The following GCC2 variants were observed in gnomAD, a reference collection of about 807,000 sequenced individuals.
GCC2 encodes GRIP and coiled-coil domain-containing protein 2.
In GCC2, 120 loss-of-function variants were observed where a neutral mutation model predicts 210.6. The ratio of observed to expected loss-of-function variants is 0.57; its 90% CI spans 0.49 to 0.66. GCC2 has a LOEUF of 0.66. Ranked by LOEUF, GCC2 falls within the 30% of genes least tolerant of loss-of-function variation. The probability of loss-of-function intolerance (pLI) is 0.00; values close to 1 mark genes in which losing one functional copy is unlikely to be tolerated. For missense variants in GCC2, 1,868 were observed against 1,871.9 expected (o/e 1.00, Z 0.04); for synonymous variants, 703 against 652.7 (o/e 1.08, Z -1.17).
intron 6 of GCC2, among the ~76,000 whole-genome samples, chr2:108,472,606 A>G (rs1229940549): frequency 1.4e-5 from 2 of 148,014 alleles, no homozygotes; most frequent in Non-Finnish European, 3.0e-5. Flanking sequence ...CTTGGTTACT[A>G]CTTTTTTTTT....
intron 15 of GCC2, 197 bp from the exon 16 acceptor site, chr2:108,486,314 T>A: frequency 1.7e-6 from 1 of 588,426 alleles, no homozygotes; most frequent in Non-Finnish European, 3.1e-6. Context: ...TGAATTGATG[T>A]TGGTTTAAGA....
At chr2:108,505,533 C>T (rs1683139241) in intron 22 of GCC2, among the ~76,000 whole-genome samples, 1 of 152,166 alleles carries the variant, frequency 6.6e-6, no homozygotes, top group Non-Finnish European at 1.5e-5. Context: ...ATTGTGGCTT[C>T]TATCTTGCTA....
Position 108,469,906 on chromosome 2 carries a change from G to A in GCC2, c.577G>A (p.Gly193Ser). The A allele has an allele frequency of 6.2e-7, 1 of 1,613,600 alleles. No individual in the cohort carries two copies. The highest frequency in any genetic ancestry group is 8.5e-7 in the Non-Finnish European group (1 of 1,179,772). Residue 193 changes from glycine to serine, a missense_variant, in exon 6 of 23, where the codon GGC becomes AGC. Gly to Ser is a moderately conservative substitution (Grantham distance 56). Coordinates refer to ENST00000309863, the MANE Select transcript of GCC2 (RefSeq NM_181453.4). ...LQEEIEKIRP[G>S]FEEQILYLQK... ...AGAAGAGATTGAGAAAATTAGGCCA[G>A]GCTTTGAGGAGCAAATTTTATATCT...
intron 22 of GCC2, among the ~76,000 whole-genome samples, chr2:108,500,987 A>T (rs1248232621): frequency 6.6e-6 from 1 of 151,878 alleles, no homozygotes; most frequent in African/African-American, 2.4e-5. Context: ...CTTAAGCTTT[A>T]TTTTGTTGTC....
At chr2:108,472,735 T>C (rs1168104420) in intron 6 of GCC2, 92 bp from the exon 7 acceptor site, 1 of 745,736 alleles carries the variant, frequency 1.3e-6, no homozygotes, top group Non-Finnish European at 2.3e-6. Flanking sequence ...GATTTTCTTA[T>C]GCTTAACATG....
At chr2:108,488,885 C>G (rs1482836769) in intron 17 of GCC2, among the ~76,000 whole-genome samples, 1 of 152,110 alleles carries the variant, frequency 6.6e-6, no homozygotes, top group African/African-American at 2.4e-5. Context: ...ATGGTATTTT[C>G]TTTCCAGTAG....
rs1413577134 is a variant in GCC2, at chr2:108,487,586, G to C, written c.3931-113G>C. On this transcript the variant is annotated intron_variant, in intron 16 of 22. Coordinates refer to ENST00000309863, the MANE Select transcript of GCC2 (RefSeq NM_181453.4). ...AATCAAGAAACCAAAAAGAATGTCAGCCATTTTTCTCATTTTCAAAAACAG... is the reference window on the plus strand; with the variant it reads ...AATCAAGAAACCAAAAAGAATGTCACCCATTTTTCTCATTTTCAAAAACAG... 5.2e-6 allele frequency: 5 copies of C among 955,908 alleles called. No individual in the cohort carries two copies. The East Asian group carries it at 1.3e-4, about 25-fold the overall frequency. The allele number at this position is 955,908 out of a possible 1,614,324, so 59.2% of individuals were successfully genotyped here.
At chr2:108,479,703 G>A (rs998512413) in intron 9 of GCC2, among the ~76,000 whole-genome samples, 2 of 151,902 alleles carry the variant, frequency 1.3e-5, no homozygotes, top group African/African-American at 2.4e-5. Flanking sequence ...CCCAGCAGAG[G>A]CCGGGCTCAG....
At position 108,475,767 on chromosome 2, in the gene GCC2, G is replaced by C. The variant is rs1163802954; in HGVS notation, c.2977G>C (p.Glu993Gln). 6.2e-7 allele frequency: 1 copy of C among 1,603,114 alleles called. No individual in the cohort carries two copies. Among genetic ancestry groups the C allele is most frequent in the Non-Finnish European group, 8.5e-7 (1 of 1,174,680 alleles). Residue 993 changes from glutamate to glutamine, a missense_variant, in exon 9 of 23, where the codon GAA (glutamate) becomes CAA (glutamine). Transcript: ENST00000309863. ...SSRKETQTVK[E>Q]ELESLRSEKD... Reference sequence around the variant, plus strand: ...TTTAAAACAGACCCAGACTGTGAAGGAAGAACTTGAATCTCTTCGATCAGA... The same window carrying C: ...TTTAAAACAGACCCAGACTGTGAAGCAAGAACTTGAATCTCTTCGATCAGA...
intron 21 of GCC2, among the ~76,000 whole-genome samples, chr2:108,499,004 G>C (rs1261856919): frequency 6.9e-6 from 1 of 145,186 alleles, no homozygotes; most frequent in Non-Finnish European, 1.5e-5. Context: ...CAGTTCCCCA[G>C]CTTTCAACTC....
At chr2:108,507,412 C>CA in intron 22 of GCC2, 148 bp from the exon 23 acceptor site, 7 of 368,484 alleles carry the variant, frequency 1.9e-5, no homozygotes, top group South Asian at 5.1e-5. Context: ...AGAACCCCCC[C>CA]CCCCAAAAAA....
At chr2:108,479,387 T>C (rs1681717657) in intron 9 of GCC2, among the ~76,000 whole-genome samples, 1 of 152,012 alleles carries the variant, frequency 6.6e-6, no homozygotes. Context: ...ACACCTGTTA[T>C]CCTAGCACTT....
In GCC2 at chr2:108,456,912, T is replaced by TG. The variant is rs1680305679; in HGVS notation, c.216+4447dup. Among the ~76,000 whole-genome samples, 6 of 149,542 alleles carry TG rather than the reference T, an allele frequency of 4.0e-5. 1 individual carries two copies. The South Asian group carries it at 1.3e-3, about 32-fold the overall frequency. ...TGCTGTGAGCCATAATCACACTTAC[T>TG]GCACTCCAGCCTGGGTGACAGAGGG... On this transcript the variant is annotated intron_variant, in intron 4 of 22. Coordinates refer to ENST00000309863, the MANE Select transcript of GCC2 (RefSeq NM_181453.4).
intron 22 of GCC2, among the ~76,000 whole-genome samples, chr2:108,503,069 A>G (rs1683008928): frequency 6.6e-6 from 1 of 152,322 alleles, no homozygotes; most frequent in African/African-American, 2.4e-5. Flanking sequence ...AGAAAAGAAT[A>G]CAGCACAGAT....
chr2:108,483,726 T>C (rs1329547866), intron 12 of GCC2, among the ~76,000 whole-genome samples: 1 of 152,226 alleles, frequency 6.6e-6, no homozygotes. Flanking sequence ...ACATGATTGT[T>C]GTATGACACA....
At position 108,471,464 on chromosome 2, in the gene GCC2, T is replaced by G. The variant is rs780392284; in HGVS notation, c.2135T>G (p.Leu712Trp). 24 of 1,610,084 alleles carry G rather than the reference T, an allele frequency of 1.5e-5. No homozygotes were observed. The highest frequency in any genetic ancestry group is 2.2e-5 in the South Asian group (2 of 89,840). ...KQLSRDLEVF[L>W]SQKEDVILKE... ...TTGAGTAGGGATTTGGAGGTTTTTTTGTCTCAAAAAGAAGATGTTATCCTT... is the reference window on the plus strand; with the variant it reads ...TTGAGTAGGGATTTGGAGGTTTTTTGGTCTCAAAAAGAAGATGTTATCCTT... Residue 712 changes from leucine to tryptophan, a missense_variant, in exon 6 of 23, where the codon TTG becomes TGG. Leu to Trp is a moderately conservative substitution (Grantham distance 61). Coordinates refer to ENST00000309863, the MANE Select transcript of GCC2 (RefSeq NM_181453.4).
At chr2:108,462,319 C>T (rs74182818) in intron 4 of GCC2, among the ~76,000 whole-genome samples, 2 of 144,274 alleles carry the variant, frequency 1.4e-5, no homozygotes, top group African/African-American at 5.0e-5. Flanking sequence ...AGTGAAACCC[C>T]GTCTCTACTA....
chr2:108,453,988 T>TTTTA (rs1222180301), intron 4 of GCC2, among the ~76,000 whole-genome samples: 4 of 151,946 alleles, frequency 2.6e-5, no homozygotes, highest in Non-Finnish European at 4.4e-5. Context: ...ATTTATTTAT[T>TTTTA]TTTATTTATT....
At position 108,470,018 on chromosome 2, in the gene GCC2, A is replaced by C. The variant is rs1215840563; in HGVS notation, c.689A>C (p.Tyr230Ser). Residue 230 changes from tyrosine to serine, a missense_variant, in exon 6 of 23, where the codon TAC becomes TCC. Around this residue, in one of 3 missense-constraint regions of GCC2, gnomAD observed 1,847 missense variants for 1,765.2 expected, o/e 1.05. Coordinates refer to ENST00000309863, the MANE Select transcript of GCC2 (RefSeq NM_181453.4). The part of the protein sequence containing the change: ...QNIIEANSQH[Y>S]QKNINSLQEE... ...ATCATTGAGGCTAATTCTCAGCATT[A>C]CCAAAAAAATATTAATAGTTTGCAG... 4 of 1,612,704 alleles carry C rather than the reference A, an allele frequency of 2.5e-6. No individual in the cohort carries two copies. Among genetic ancestry groups the C allele is most frequent in the Non-Finnish European group, 3.4e-6 (4 of 1,179,490 alleles).
Sources: allele counts gnomAD v4.1 joint callset (sites outside exome capture counted in the v4.1 genomes callset), GRCh38; gene constraint gnomAD v4.1.1; regional missense constraint gnomAD v4.1.1; transcripts MANE v1.5; gene names NCBI Gene and HGNC (gene_info 2026-07-23, HGNC 2026-07-21).